The following VCPIP1 variants were observed in gnomAD, a reference collection of about 807,000 sequenced individuals.
VCPIP1 encodes deubiquitinating protein VCPIP1.
VCPIP1 carries 8 observed loss-of-function variants against 85.0 expected under a neutral mutation model. The observed-to-expected ratio is 0.09, with a 90% CI of 0.06 to 0.17. The LOEUF is 0.17. Among genes scored for constraint, VCPIP1 ranks in the 10% least tolerant of loss-of-function variants. VCPIP1 has a pLI of 1.00. For synonymous variants in VCPIP1, 543 were observed against 544.5 expected, an observed-to-expected ratio of 1.00 and a Z score of 0.04; for missense variants, 1,070 against 1,486.3, an observed-to-expected ratio of 0.72 and a Z score of 4.61.
intron 1 of VCPIP1, among the ~76,000 whole-genome samples, chr8:66,658,039 A>G (rs1314164393): frequency 1.3e-5 from 2 of 152,192 alleles, no homozygotes; most frequent in African/African-American, 4.8e-5. Flanking sequence ...AGGCATAGAA[A>G]GAATAATAAT....
intron 1 of VCPIP1, 38 bp from the exon 2 acceptor site, chr8:66,651,582 A>T (rs1409629817): frequency 6.4e-7 from 1 of 1,556,966 alleles, no homozygotes; most frequent in Non-Finnish European, 8.8e-7. Flanking sequence ...AGCAACAAAC[A>T]AAAGAGTTCC....
intron 1 of VCPIP1, among the ~76,000 whole-genome samples, chr8:66,663,599 T>C (rs1411031673): frequency 1.3e-5 from 2 of 152,100 alleles, no homozygotes; most frequent in African/African-American, 4.8e-5. Context: ...CAAATACTTC[T>C]TTACACCATT....
chr8:66,638,968 CTCTATA>C (rs1190723375), intron 2 of VCPIP1, among the ~76,000 whole-genome samples: 22 of 127,004 alleles, frequency 1.7e-4, no homozygotes, highest in African/African-American at 7.0e-4. Context: ...CTCTCTCTCT[CTCTATA>C]TATATATATA....
chr8:66,658,031 G>A (rs1390570804), intron 1 of VCPIP1, among the ~76,000 whole-genome samples: 1 of 151,998 alleles, frequency 6.6e-6, no homozygotes, highest in African/African-American at 2.4e-5. Flanking sequence ...CTATCAGAAG[G>A]CATAGAAAGA....
chr8:66,630,232 T>C lies in VCPIP1; in HGVS notation c.*4269A>G, dbSNP rs1810821258. On this transcript the variant is annotated 3_prime_UTR_variant, in exon 3 of 3. Coordinates refer to ENST00000310421, the MANE Select transcript of VCPIP1 (RefSeq NM_025054.5). ...ATACAGTAATCACGAAATCGGAAAA[T>C]AATGGGCAACAGCCAGTGCCTTAAG... 1 of 152,142 alleles carries C rather than the reference T, an allele frequency of 6.6e-6. No homozygotes were observed. The highest frequency in any genetic ancestry group is 1.5e-5 in the Non-Finnish European group (1 of 68,024). The allele number at this position is 152,142 out of a possible 1,614,324, so 9.4% of individuals were successfully genotyped here. A position where few individuals can be genotyped will look rare whatever the true frequency, so the allele number is the denominator to read the frequency against.
chr8:66,651,924 A>G (rs1347393806), intron 1 of VCPIP1, among the ~76,000 whole-genome samples: 1 of 151,990 alleles, frequency 6.6e-6, no homozygotes, highest in African/African-American at 2.4e-5. Flanking sequence ...TCATGCCTGT[A>G]ACCCCAGTAC....
Position 66,631,516 on chromosome 8 carries a change from T to C in VCPIP1, c.*2985A>G, listed in dbSNP as rs1563564658. 6.5e-6 allele frequency: 1 copy of C among 154,522 alleles called. No homozygotes were observed. The highest frequency in any genetic ancestry group is 1.5e-5 in the Non-Finnish European group (1 of 67,988). The allele number at this position is 154,522 out of a possible 1,614,324, so 9.6% of individuals were successfully genotyped here. A position where few individuals can be genotyped will look rare whatever the true frequency, so the allele number is the denominator to read the frequency against. ...TGATCTTCCCTGAGGTAAGAGACCA[T>C]ATGCAAAAGTCAGTGTTCATCTCCA... On this transcript the variant is annotated 3_prime_UTR_variant, in exon 3 of 3. Transcript: ENST00000310421.
intron 2 of VCPIP1, among the ~76,000 whole-genome samples, chr8:66,639,725 T>C (rs1166454780): frequency 2.6e-5 from 4 of 152,288 alleles, no homozygotes; most frequent in African/African-American, 9.6e-5. Context: ...CAAATGTAGA[T>C]GTAACCATCT....
At position 66,635,020 on chromosome 8, in the gene VCPIP1, A is replaced by T. The variant is rs760108262; in HGVS notation, c.3150T>A (p.Val1050=). 6.2e-7 allele frequency: 1 copy of T among 1,613,646 alleles called. No homozygotes were observed. The highest frequency in any genetic ancestry group is 8.5e-7 in the Non-Finnish European group (1 of 1,179,654). ...HLDPRARETS[V]VRKHNTGTDF... ...CTGTCCCTGTATTATGCTTTCTTACAACTGAAGTTTCCCTAGCTCTTGGAT... is the reference window on the plus strand; with the variant it reads ...CTGTCCCTGTATTATGCTTTCTTACTACTGAAGTTTCCCTAGCTCTTGGAT... Residue 1050 remains valine (V), a synonymous_variant, in exon 3 of 3, where the codon GTT becomes GTA. Coordinates refer to ENST00000310421, the MANE Select transcript of VCPIP1 (RefSeq NM_025054.5).
chr8:66,634,498 A>C lies in VCPIP1; in HGVS notation c.*3T>G. 1 of 1,565,586 alleles carries C rather than the reference A, an allele frequency of 6.4e-7. No individual in the cohort carries two copies. On this transcript the variant is annotated 3_prime_UTR_variant, in exon 3 of 3. Coordinates refer to ENST00000310421, the MANE Select transcript of VCPIP1 (RefSeq NM_025054.5). ...ATTCTGCCTTTATTAGCCTCTAATT[A>C]AATCAAGAGTGATCCATTGGCTCAG...
intron 1 of VCPIP1, among the ~76,000 whole-genome samples, chr8:66,654,805 A>G (rs1223486038): frequency 3.3e-5 from 5 of 152,112 alleles, no homozygotes; most frequent in African/African-American, 1.2e-4. Context: ...CTTATCCCCC[A>G]TAAATCCCTC....
intron 2 of VCPIP1, among the ~76,000 whole-genome samples, chr8:66,642,310 G>A (rs184083577): frequency 6.6e-6 from 1 of 152,186 alleles, no homozygotes; most frequent in East Asian, 1.9e-4. Context: ...TTAGTTGTAA[G>A]AGTTCTTTAT....
At chr8:66,650,059 C>CTT (rs34674749) in intron 2 of VCPIP1, among the ~76,000 whole-genome samples, 29 of 147,552 alleles carry the variant, frequency 2.0e-4, no homozygotes, top group Middle Eastern at 3.5e-3. Context: ...GTAATAATGA[C>CTT]TTTTTTTTTT....
Position 66,665,245 on chromosome 8 carries a change from A to G in VCPIP1, c.1714T>C (p.Cys572Arg), listed in dbSNP as rs1400974281. ...CAAAAGTGTTTGAATCCACAACCAC[A>G]TTTGCCACCAGTGGACCTAGAATTA... is the stretch of plus-strand genomic sequence containing the variant. ...RTNSRSTGGKCGCGFKHFWDG... is the reference protein window; with the variant it reads ...RTNSRSTGGKRGCGFKHFWDG... The change falls in exon 1 of 3, where the codon TGT (cysteine) becomes CGT (arginine). Residue 572 changes from cysteine (C) to arginine (R), a missense_variant. Physicochemically the swap from Cys to Arg is radical, Grantham distance 180. Around this residue, in one of 8 missense-constraint regions of VCPIP1, gnomAD observed 123 missense variants for 156.3 expected, o/e 0.79. Coordinates refer to ENST00000310421, the MANE Select transcript of VCPIP1 (RefSeq NM_025054.5). The surrounding 1 kb of genome is among the most constrained non-coding windows in gnomAD (Gnocchi z 4.3). 1 of 1,614,218 alleles carries G rather than the reference A, an allele frequency of 6.2e-7. No homozygotes were observed. The highest frequency in any genetic ancestry group is 8.5e-7 in the Non-Finnish European group (1 of 1,180,040).
chr8:66,654,381 CAGG>C (rs1811080515), intron 1 of VCPIP1, among the ~76,000 whole-genome samples: 1 of 152,216 alleles, frequency 6.6e-6, no homozygotes, highest in African/African-American at 2.4e-5. Flanking sequence ...GAGGCTGAGG[CAGG>C]AGAATTGCTT....
chr8:66,656,661 G>A (rs1264169123), intron 1 of VCPIP1, among the ~76,000 whole-genome samples: 1 of 151,964 alleles, frequency 6.6e-6, no homozygotes, highest in Admixed American at 6.6e-5. Flanking sequence ...CCAGGCTGGA[G>A]TGCAGTGGCA....
chr8:66,664,188 G>T (rs976080479), intron 1 of VCPIP1, 61 bp downstream of exon 1: 13 of 1,440,124 alleles, frequency 9.0e-6, no homozygotes, highest in Non-Finnish European at 1.1e-5. Flanking sequence ...AAAGATAACA[G>T]GAAAACTCAG....
chr8:66,654,924 C>G (rs1031722214), intron 1 of VCPIP1, among the ~76,000 whole-genome samples: 2 of 152,220 alleles, frequency 1.3e-5, no homozygotes, highest in African/African-American at 4.8e-5. Context: ...TGGACCTTGC[C>G]TTTCCCATCT....
At position 66,666,427 on chromosome 8, in the gene VCPIP1, C is replaced by T. The variant is rs1311583122; in HGVS notation, c.532G>A (p.Val178Met). The T allele has an allele frequency of 6.2e-7, 1 of 1,614,074 alleles. No homozygotes were observed. The highest frequency in any genetic ancestry group is 8.5e-7 in the Non-Finnish European group (1 of 1,180,038). The change falls in exon 1 of 3, where the codon GTG becomes ATG. Residue 178 changes from valine to methionine, a missense_variant. This residue lies in a region of VCPIP1 where 118 missense variants were observed against 337.1 expected (regional missense o/e 0.35). Transcript: ENST00000310421. This position sits in a 1 kb window ranked among gnomAD's most constrained non-coding sequence, Gnocchi z 6.3. The part of the protein sequence containing the change: ...FLIEPEHVNT[V>M]GYGKDRSGSL... ...CCGGAGCGGTCCTTGCCATAGCCCA[C>T]AGTGTTAACATGCTCTGGTTCTATG...
Sources: allele counts gnomAD v4.1 joint callset (sites outside exome capture counted in the v4.1 genomes callset), GRCh38; gene constraint gnomAD v4.1.1; regional missense constraint gnomAD v4.1.1; non-coding constraint Gnocchi (gnomAD v3.1); transcripts MANE v1.5; gene names NCBI Gene and HGNC (gene_info 2026-07-23, HGNC 2026-07-21).